DAXX: variants seen among roughly 807,000 people sequenced by gnomAD.
DAXX encodes the protein death domain-associated protein 6.
A neutral mutation model predicts 61.9 loss-of-function variants in DAXX; 24 were observed. That is an observed-to-expected ratio of 0.39 (90% confidence interval 0.28 to 0.55). The LOEUF (loss-of-function observed/expected upper bound fraction) is 0.55. Ranked by LOEUF, DAXX falls within the 20% of genes least tolerant of loss-of-function variation. DAXX has a pLI of 0.69. For synonymous variants in DAXX, 357 were observed against 369.5 expected, an observed-to-expected ratio of 0.97 and a Z score of 0.39; for missense variants, 819 against 935.3, an observed-to-expected ratio of 0.88 and a Z score of 1.62.
At chr6:33,322,607 C>G (rs1327835652) in intron 1 of DAXX, 3 of 314,302 alleles carry the variant, frequency 9.5e-6, no homozygotes, top group Non-Finnish European at 1.9e-5. Flanking sequence ...TGACCCGTAA[C>G]TGATCAAAAG....
Position 33,319,515 on chromosome 6 carries a change from T to C in DAXX, c.1805A>G (p.Glu602Gly). Residue 602 changes from glutamate (E) to glycine (G), a missense_variant, in exon 6 of 8, where the codon GAG (glutamate) becomes GGG (glycine). Glu to Gly is a moderately conservative substitution (Grantham distance 98). Transcript: ENST00000374542. ...QSEEPFTTVL[E>G]NGAGMVSSTS... The stretch of plus-strand genomic sequence containing the variant: ...AGAAGAGACCATGCCTGCTCCATTC[T>C]CTAAGACAGTGGTGAAGGGCTCCTC... The C allele has an allele frequency of 1.2e-6, 2 of 1,614,144 alleles. No individual in the cohort carries two copies. The highest frequency in any genetic ancestry group is 1.7e-6 in the Non-Finnish European group (2 of 1,180,018).
rs1404588475 is a variant in DAXX, at chr6:33,322,853, G to A, written c.-53+9C>T. 6.3e-6 allele frequency: 5 copies of A among 792,710 alleles called. No homozygotes were observed. Among genetic ancestry groups the A allele is most frequent in the African/African-American group, 2.2e-5 (1 of 46,262 alleles). The allele number at this position is 792,710 out of a possible 1,614,324, so 49.1% of individuals were successfully genotyped here. On this transcript the variant is annotated intron_variant, in intron 1 of 7. Coordinates refer to ENST00000374542, the MANE Select transcript of DAXX (RefSeq NM_001141969.2). Reference sequence around the variant, plus strand: ...CCCGCCTCTGATCCCCGCACCGTCCGGCCCCCACCTCAGAAACCGTCTCTC... The same window carrying A: ...CCCGCCTCTGATCCCCGCACCGTCCAGCCCCCACCTCAGAAACCGTCTCTC...
Position 33,320,339 on chromosome 6 carries a change from G to C in DAXX, c.1251+41C>G, listed in dbSNP as rs941674669. Reference sequence around the variant, plus strand: ...TGGACTCCCTGGTGGCCAGTGCAGGGGAAGGACAATGTCTCTCTGAAGGCT... The same window carrying C: ...TGGACTCCCTGGTGGCCAGTGCAGGCGAAGGACAATGTCTCTCTGAAGGCT... On this transcript the variant is annotated intron_variant, in intron 4 of 7. Coordinates refer to ENST00000374542, the MANE Select transcript of DAXX (RefSeq NM_001141969.2). This position sits in a 1 kb window ranked among gnomAD's most constrained non-coding sequence, Gnocchi z 7.1. The C allele has an allele frequency of 6.7e-7, 1 of 1,499,550 alleles. No homozygotes were observed. The highest frequency in any genetic ancestry group is 9.3e-7 in the Non-Finnish European group (1 of 1,075,286). The allele number at this position is 1,499,550 out of a possible 1,614,324, so 92.9% of individuals were successfully genotyped here.
intron 1 of DAXX, 143 bp downstream of exon 1, chr6:33,322,719 T>C: frequency 7.8e-6 from 2 of 256,774 alleles, no homozygotes; most frequent in Non-Finnish European, 1.6e-5. Flanking sequence ...CCTCCCCCAG[T>C]TCAGCCCCCG....
In DAXX at chr6:33,319,202, C is replaced by T. The variant is rs1221273667; in HGVS notation, c.1958G>A (p.Arg653Lys). 3 of 1,602,044 alleles carry T rather than the reference C, an allele frequency of 1.9e-6. No individual in the cohort carries two copies. The East Asian group carries it at 6.7e-5, about 36-fold the overall frequency. Residue 653 changes from arginine to lysine, a missense_variant, in exon 7 of 8, where the codon AGG becomes AAG. Physicochemically the swap from Arg to Lys is conservative, Grantham distance 26. Coordinates refer to ENST00000374542, the MANE Select transcript of DAXX (RefSeq NM_001141969.2). ...PLGNSYVERQ[R>K]SVHEKNGKKI... is the part of the protein sequence containing the mutation. Reference sequence around the variant, plus strand: ...TTTCCCATTCTTCTCATGCACTGACCTTTGCCTTTCCACATAGCTAGAAAC... The same window carrying T: ...TTTCCCATTCTTCTCATGCACTGACTTTTGCCTTTCCACATAGCTAGAAAC...
In DAXX at chr6:33,320,737, T is replaced by C. The variant is rs1416832652; in HGVS notation, c.1038A>G (p.Pro346=). The C allele has an allele frequency of 6.2e-7, 1 of 1,612,536 alleles. No homozygotes were observed. The highest frequency in any genetic ancestry group is 1.3e-5 in the African/African-American group (1 of 74,906). The stretch of plus-strand genomic sequence containing the variant: ...AGAGGCATCCCACCAACCCCCTACC[T>C]GGCCTATAGTCATCTGTGAGGTGGC... The part of the protein sequence containing the change: ...FGCHLTDDYR[P]GVDPALSDPV... Residue 346 remains proline, a splice_region_variant and synonymous_variant, in exon 3 of 8, where the codon CCA becomes CCG. Coordinates refer to ENST00000374542, the MANE Select transcript of DAXX (RefSeq NM_001141969.2). This position sits in a 1 kb window ranked among gnomAD's most constrained non-coding sequence, Gnocchi z 7.1.
intron 1 of DAXX, chr6:33,322,572 A>C (rs1581793221): frequency 1.8e-5 from 4 of 225,698 alleles, no homozygotes; most frequent in African/African-American, 5.0e-5. Flanking sequence ...CTTTCACCCC[A>C]CCCTAATTTT....
Position 33,321,443 on chromosome 6 carries a change from C to T in DAXX, c.332G>A (p.Arg111Lys), listed in dbSNP as rs1417416694. 6.2e-7 allele frequency: 1 copy of T among 1,613,944 alleles called. No individual in the cohort carries two copies. Among genetic ancestry groups the T allele is most frequent in the East Asian group, 2.2e-5 (1 of 44,880 alleles). Residue 111 changes from arginine to lysine, a missense_variant, in exon 3 of 8, where the codon AGG becomes AAG. Physicochemically the swap from Arg to Lys is conservative, Grantham distance 26. Coordinates refer to ENST00000374542, the MANE Select transcript of DAXX (RefSeq NM_001141969.2). This position sits in a 1 kb window ranked among gnomAD's most constrained non-coding sequence, Gnocchi z 7.2. ...CCGGCTCCGGGCCCGAGACAGGACC[C>T]TAGAGAGGATGTTGCAGAACTCCGC... ...ASAEFCNILS[R>K]VLSRARSRPA...
Position 33,318,900 on chromosome 6 carries a change from A to C in DAXX, c.2163+97T>G, listed in dbSNP as rs1050101078. On this transcript the variant is annotated intron_variant, in intron 7 of 7. Transcript: ENST00000374542. ...GATAAAATGGGTGGGAAAAAGGAAG[A>C]GACAGGATGTGGCACGTGGAATATT... 8.5e-6 allele frequency: 11 copies of C among 1,297,142 alleles called. No individual in the cohort carries two copies. In the African/African-American group the frequency reaches 1.6e-4, roughly 19 times the overall value. The allele number at this position is 1,297,142 out of a possible 1,614,324, so 80.4% of individuals were successfully genotyped here.
rs1473512971 is a variant in DAXX at position 33,319,556 on chromosome 6, A to G, written c.1764T>C (p.Ser588=). ...TPSSVETDIS[S]SRKQSEEPFT... The stretch of plus-strand genomic sequence containing the variant: ...AGGGCTCCTCTGATTGCTTCCTGGA[A>G]GAGGAAATGTCCGTCTCCACAGAGG... Residue 588 remains serine, a synonymous_variant, in exon 6 of 8, where the codon TCT becomes TCC. Coordinates refer to ENST00000374542, the MANE Select transcript of DAXX (RefSeq NM_001141969.2). The G allele has an allele frequency of 2.5e-6, 4 of 1,614,174 alleles. No individual in the cohort carries two copies. The South Asian group carries it at 3.3e-5, about 13-fold the overall frequency.
In DAXX at chr6:33,319,277, G is replaced by T. The variant is rs763122; in HGVS notation, c.1941-58C>A. 24 of 1,562,394 alleles carry T rather than the reference G, an allele frequency of 1.5e-5. No individual in the cohort carries two copies. In the African/African-American group the frequency reaches 2.7e-4, roughly 18 times the overall value. ...ACGGGAAGACTGAGGCTGGAGGGGG[G>T]CAGTCCAGTCTCTCCCAGCAGACTC... On this transcript the variant is annotated intron_variant, in intron 6 of 7. Coordinates refer to ENST00000374542, the MANE Select transcript of DAXX (RefSeq NM_001141969.2).
Position 33,319,664 on chromosome 6 carries a change from A to C in DAXX, c.1656T>G (p.Pro552=). 6.2e-7 allele frequency: 1 copy of C among 1,614,142 alleles called. No individual in the cohort carries two copies. The highest frequency in any genetic ancestry group is 8.5e-7 in the Non-Finnish European group (1 of 1,179,998). ...SIDAESNGEQ[P]EELTLEEESP... ...TTTCTTCCTCCAGGGTCAGCTCCTC[A>C]GGCTGTTCTCCATTGCTTTCAGCAT... Residue 552 remains proline, a synonymous_variant, in exon 6 of 8, where the codon CCT becomes CCG. Transcript: ENST00000374542.
At chr6:33,322,350 G>C (rs1338183554) in intron 1 of DAXX, among the ~76,000 whole-genome samples, 1 of 151,996 alleles carries the variant, frequency 6.6e-6, no homozygotes, top group Non-Finnish European at 1.5e-5. Flanking sequence ...GCCACCTCAT[G>C]TGTTTGCCCC....
In DAXX at chr6:33,322,893, C is replaced by A. The variant is rs766488565; in HGVS notation, c.-84G>T. 2 of 1,442,766 alleles carry A rather than the reference C, an allele frequency of 1.4e-6. No homozygotes were observed. Among genetic ancestry groups the A allele is most frequent in the African/African-American group, 2.8e-5 (2 of 71,482 alleles). The allele number at this position is 1,442,766 out of a possible 1,614,324, so 89.4% of individuals were successfully genotyped here. ...AACCGTCTCTCGAGGCGACCCTCGCCGCAATTCTCAGAACCTCGCATGGTT... is the reference window on the plus strand; with the variant it reads ...AACCGTCTCTCGAGGCGACCCTCGCAGCAATTCTCAGAACCTCGCATGGTT... On this transcript the variant is annotated 5_prime_UTR_variant, in exon 1 of 8. Coordinates refer to ENST00000374542, the MANE Select transcript of DAXX (RefSeq NM_001141969.2).
rs376777425 is a variant in DAXX, at chr6:33,319,421, C to T, written c.1899G>A (p.Arg633=). ...GDSGPPCKKS[R]KEKKQTGSGP... ...CTGATCCTGTTTGCTTCTTCTCCTT[C>T]CGAGATTTTTTGCAGGGGGGACCAG... Residue 633 remains arginine, a synonymous_variant, in exon 6 of 8, where the codon CGG becomes CGA. Coordinates refer to ENST00000374542, the MANE Select transcript of DAXX (RefSeq NM_001141969.2). 3.1e-5 allele frequency: 50 copies of T among 1,613,126 alleles called. No individual in the cohort carries two copies. Among genetic ancestry groups the T allele is most frequent in the South Asian group, 5.5e-5 (5 of 91,042 alleles).
In DAXX at chr6:33,321,146, A is replaced by G; in HGVS notation, c.629T>C (p.Leu210Ser). 6.2e-7 allele frequency: 1 copy of G among 1,613,678 alleles called. No homozygotes were observed. Among genetic ancestry groups the G allele is most frequent in the Non-Finnish European group, 8.5e-7 (1 of 1,179,624 alleles). ...TGGGTCATCCAATTCTGAGAGATCC[A>G]ACTCCTTTTCCTGCAGCCGCCGGAT... ...AEIRRLQEKE[L>S]DLSELDDPDS... The change falls in exon 3 of 8, where the codon TTG becomes TCG. Residue 210 changes from leucine (L) to serine (S), a missense_variant. Physicochemically the swap from Leu to Ser is moderately radical, Grantham distance 145. Transcript: ENST00000374542. This position sits in a 1 kb window ranked among gnomAD's most constrained non-coding sequence, Gnocchi z 7.2.
chr6:33,320,138 TTCC>T lies in DAXX; in HGVS notation c.1335_1337del (p.Glu457del). ...CTTCTTCTTCCTCCTCCTCCTCCTC[TTCC>T]TCATCACTCTCCTCATCGTCTTCGT... On this transcript the variant is annotated inframe_deletion, in exon 5 of 8. Transcript: ENST00000374542. This position sits in a 1 kb window ranked among gnomAD's most constrained non-coding sequence, Gnocchi z 7.1. The T allele has an allele frequency of 1.2e-6, 2 of 1,613,192 alleles. No individual in the cohort carries two copies. The highest frequency in any genetic ancestry group is 1.7e-6 in the Non-Finnish European group (2 of 1,179,198).
At position 33,321,981 on chromosome 6, in the gene DAXX, G is replaced by A. The variant is rs940674192; in HGVS notation, c.-52-4C>T. 11 of 1,563,000 alleles carry A rather than the reference G, an allele frequency of 7.0e-6. No individual in the cohort carries two copies. Among genetic ancestry groups the A allele is most frequent in the African/African-American group, 1.4e-5 (1 of 74,052 alleles). ...GGTGGGGATTTCAGAATTCCTGCTG[G>A]AAGGGGATGGGGCCTCAGAATGAGC... On this transcript the variant is annotated splice_polypyrimidine_tract_variant and splice_region_variant and intron_variant, in intron 1 of 7. Transcript: ENST00000374542. The surrounding 1 kb of genome is among the most constrained non-coding windows in gnomAD (Gnocchi z 7.2).
At position 33,321,781 on chromosome 6, in the gene DAXX, C is replaced by T. The variant is rs1291932714; in HGVS notation, c.145G>A (p.Gly49Arg). Reference sequence around the variant, plus strand: ...TTCTTGCCGCCCGAACTACTGCTTCCTCTGGCCCCATGAGGCTCAGAGGAG... The same window carrying T: ...TTCTTGCCGCCCGAACTACTGCTTCTTCTGGCCCCATGAGGCTCAGAGGAG... ...PSSSEPHGAR[G>R]SSSSGGKKCY... Residue 49 changes from glycine (G) to arginine (R), a missense_variant, in exon 2 of 8, where the codon GGA becomes AGA. Gly to Arg is a moderately radical substitution (Grantham distance 125). Coordinates refer to ENST00000374542, the MANE Select transcript of DAXX (RefSeq NM_001141969.2). This position sits in a 1 kb window ranked among gnomAD's most constrained non-coding sequence, Gnocchi z 7.2. 6.2e-7 allele frequency: 1 copy of T among 1,613,170 alleles called. No individual in the cohort carries two copies. The highest frequency in any genetic ancestry group is 8.5e-7 in the Non-Finnish European group (1 of 1,179,600).
Sources: allele counts gnomAD v4.1 joint callset (sites outside exome capture counted in the v4.1 genomes callset), GRCh38; gene constraint gnomAD v4.1.1; non-coding constraint Gnocchi (gnomAD v3.1); transcripts MANE v1.5; gene names NCBI Gene and HGNC (gene_info 2026-07-23, HGNC 2026-07-21).